MADD: variants seen among roughly 807,000 people sequenced by gnomAD.
MADD encodes MAP kinase activating death domain, also known as MAP kinase-activating death domain protein.
Under a neutral mutation model 176.7 loss-of-function variants are expected in MADD, and 109 were observed. The observed-to-expected ratio is 0.62, with a 90% CI of 0.53 to 0.72. MADD has a LOEUF of 0.72. Ranked by LOEUF, MADD falls within the 30% of genes least tolerant of loss-of-function variation. MADD has a pLI of 0.00. For missense variants in MADD, 1,914 were observed against 2,045.5 expected, an observed-to-expected ratio of 0.94 and a Z score of 1.24; for synonymous variants, 771 against 771.3, an observed-to-expected ratio of 1.00 and a Z score of 0.01.
intron 19 of MADD, 54 bp downstream of exon 21, chr11:47,292,650 C>G: frequency 6.3e-7 from 1 of 1,576,676 alleles, no homozygotes; most frequent in East Asian, 2.2e-5. Flanking sequence ...TGCCAACTCC[C>G]CAGGCCCAGT....
chr11:47,284,202 C>A (rs1394772264), exon 11 of MADD: 1 of 1,613,726 alleles, frequency 6.2e-7, no homozygotes, highest in Non-Finnish European at 8.5e-7. Context: ...TGGATTATGA[C>A]GATTCAAGCT....
intron 15 of MADD, 129 bp from the exon 16 acceptor site, chr11:47,288,839 A>G (rs893682880): frequency 5.5e-6 from 4 of 721,324 alleles, no homozygotes; most frequent in Non-Finnish European, 9.4e-6. Flanking sequence ...GAGGTGCCCA[A>G]GAACCAAGGT....
intron 16 of MADD, among the ~76,000 whole-genome samples, 182 bp from the exon 18 acceptor site, chr11:47,289,685 C>G (rs1231442843): frequency 1.3e-5 from 2 of 152,184 alleles, no homozygotes; most frequent in African/African-American, 4.8e-5. Context: ...GGGGGTTAAT[C>G]AGCAGCGGTG....
At chr11:47,288,698 T>C (rs1243675636) in intron 15 of MADD, among the ~76,000 whole-genome samples, 2 of 152,134 alleles carry the variant, frequency 1.3e-5, no homozygotes, top group African/African-American at 2.4e-5. Flanking sequence ...GGTCCCTGTT[T>C]CATGCATGTG....
intron 20 of MADD, among the ~76,000 whole-genome samples, chr11:47,294,305 G>A (rs1353090593): frequency 6.6e-6 from 1 of 150,682 alleles, no homozygotes; most frequent in East Asian, 2.0e-4. Context: ...CCGAGATTGT[G>A]CTGTTGCACT....
chr11:47,327,658 C>A (rs1275289715), intron 31 of MADD: 4 of 985,432 alleles, frequency 4.1e-6, no homozygotes, highest in Non-Finnish European at 3.6e-6. Context: ...CAGAGAGATA[C>A]TTGGGGGAAT....
intron 19 of MADD, among the ~76,000 whole-genome samples, chr11:47,291,281 C>G (rs755532057): frequency 1.3e-5 from 2 of 152,156 alleles, no homozygotes; most frequent in African/African-American, 4.8e-5. Context: ...CCTGGCAACC[C>G]CATTTCCCTG....
chr11:47,316,749 C>A (rs992437386), intron 27 of MADD, among the ~76,000 whole-genome samples: 1 of 151,246 alleles, frequency 6.6e-6, no homozygotes, highest in African/African-American at 2.4e-5. Flanking sequence ...TTCCTCCTTT[C>A]TTTTTTTTCT....
At position 47,315,212 on chromosome 11, in the gene MADD, T is replaced by C. The variant is rs1468596235; in HGVS notation, c.4090-8T>C. The C allele has an allele frequency of 3.1e-6, 5 of 1,593,472 alleles. No homozygotes were observed. Among genetic ancestry groups the C allele is most frequent in the African/African-American group, 2.7e-5 (2 of 74,522 alleles). ...ATGACTGTCCCTAAAAAATCTCTCTTTCATCAGAATGGACGCGATCTCTCT... is the reference window on the plus strand; with the variant it reads ...ATGACTGTCCCTAAAAAATCTCTCTCTCATCAGAATGGACGCGATCTCTCT... On this transcript the variant is annotated splice_region_variant and splice_polypyrimidine_tract_variant and intron_variant, in intron 26 of 32. Transcript: ENST00000402192.
intron 26 of MADD, among the ~76,000 whole-genome samples, chr11:47,312,678 T>C (rs1162745361): frequency 6.6e-6 from 1 of 152,192 alleles, no homozygotes; most frequent in Non-Finnish European, 1.5e-5. Flanking sequence ...TCAAGTGATC[T>C]GCCTGCCTTA....
At chr11:47,297,450 CT>C (rs550191201) in intron 22 of MADD, among the ~76,000 whole-genome samples, 3,926 of 140,980 alleles carry the variant, frequency 0.028, 67 homozygotes, top group Non-Finnish European at 0.043. Context: ...CTTTTCTTTT[CT>C]TTTTTTTTTT....
intron 14 of MADD, 98 bp downstream of exon 14, chr11:47,285,688 C>G: frequency 7.1e-6 from 11 of 1,543,828 alleles, no homozygotes; most frequent in Non-Finnish European, 8.8e-6. Context: ...ACATGTAGGG[C>G]TAGGTTGGCA....
At chr11:47,309,946 A>G (rs936835972) in intron 25 of MADD, among the ~76,000 whole-genome samples, 19 of 149,630 alleles carry the variant, frequency 1.3e-4, no homozygotes, top group African/African-American at 4.2e-4. Context: ...AGTTCAAGTG[A>G]TTCTTGTGCC....
At position 47,289,410 on chromosome 11, in the gene MADD, G is replaced by A. The variant is rs535225850; in HGVS notation, c.2673G>A (p.Val891=). The change falls in exon 16 of 33, where the codon GTG becomes GTA. Residue 891 remains valine, a synonymous_variant. Coordinates refer to ENST00000402192, the Ensembl canonical transcript of MADD. ...CCACAGGAAACAGGAGGGCGTTAGTGGATCAGAAGTCATCTGTCATTAAAC... is the reference window on the plus strand; with the variant it reads ...CCACAGGAAACAGGAGGGCGTTAGTAGATCAGAAGTCATCTGTCATTAAAC... The A allele has an allele frequency of 6.2e-6, 10 of 1,614,090 alleles. No individual in the cohort carries two copies. The East Asian group carries it at 1.3e-4, about 22-fold the overall frequency.
intron 15 of MADD, among the ~76,000 whole-genome samples, chr11:47,287,344 G>A (rs1383660339): frequency 2.0e-5 from 3 of 152,096 alleles, no homozygotes; most frequent in South Asian, 2.1e-4. Context: ...AACAAAAAAC[G>A]AAACCTTATT....
intron 7 of MADD, among the ~76,000 whole-genome samples, chr11:47,281,012 T>C (rs1000535168): frequency 7.2e-5 from 11 of 152,222 alleles, no homozygotes; most frequent in African/African-American, 1.9e-4. Context: ...ACTCCAGGCA[T>C]ATTGAATCGG....
Position 47,275,165 on chromosome 11 carries a change from G to A in MADD, c.659+6G>A. The A allele has an allele frequency of 6.2e-6, 10 of 1,604,994 alleles. No individual in the cohort carries two copies. The highest frequency in any genetic ancestry group is 8.5e-6 in the Non-Finnish European group (10 of 1,175,506). On this transcript the variant is annotated splice_donor_region_variant and intron_variant, in intron 3 of 32. Transcript: ENST00000402192. ...ATCCCTCGAGGCGTACAAAGGTACA[G>A]TTTGCTGCTGATGCCTAATGGGGGA...
At chr11:47,310,847 C>CA (rs2140956273) in intron 25 of MADD, among the ~76,000 whole-genome samples, 1 of 146,694 alleles carries the variant, frequency 6.8e-6, no homozygotes, top group Non-Finnish European at 1.5e-5. Context: ...AAGGAGGTTG[C>CA]AGTGAGCCGA....
exon 23 of MADD, chr11:47,308,623 G>A (rs1565488121): frequency 6.2e-7 from 1 of 1,614,056 alleles, no homozygotes; most frequent in South Asian, 1.1e-5. Flanking sequence ...CAAGCATAAA[G>A]GAGAAGCTGG....
Sources: allele counts gnomAD v4.1 joint callset (sites outside exome capture counted in the v4.1 genomes callset), GRCh38; gene constraint gnomAD v4.1.1; transcripts MANE v1.5; gene names NCBI Gene and HGNC (gene_info 2026-07-23, HGNC 2026-07-21).